The following TMEM170B variants were observed in gnomAD, a reference collection of about 807,000 sequenced individuals.
TMEM170B encodes transmembrane protein 170B.
A neutral mutation model predicts 13.0 loss-of-function variants in TMEM170B; 6 were observed. That is an observed-to-expected ratio of 0.46 (90% CI 0.25 to 0.91). The LOEUF (loss-of-function observed/expected upper bound fraction) is 0.91. TMEM170B is among the 40% of genes least tolerant of loss of function. The pLI, the probability that TMEM170B is intolerant of heterozygous loss-of-function variation, is 0.17. For missense variants in TMEM170B, 138 were observed against 165.2 expected, an observed-to-expected ratio of 0.84 and a Z score of 0.90; for synonymous variants, 61 against 64.9, an observed-to-expected ratio of 0.94 and a Z score of 0.29.
chr6:11,565,614 A>G, intron 1 of TMEM170B, 52 bp from the exon 2 acceptor site: 1 of 1,599,686 alleles, frequency 6.3e-7, no homozygotes, highest in Middle Eastern at 1.7e-4. Context: ...GTTAAATTGA[A>G]TTTTCTAAGT....
chr6:11,575,283 G>C lies in TMEM170B; in HGVS notation c.269-148G>C, dbSNP rs1759858884. 8.9e-7 allele frequency: 1 copy of C among 1,118,522 alleles called. No individual in the cohort carries two copies. The highest frequency in any genetic ancestry group is 1.3e-6 in the Non-Finnish European group (1 of 791,434). The allele number at this position is 1,118,522 out of a possible 1,614,324, so 69.3% of individuals were successfully genotyped here. A position where few individuals can be genotyped will look rare whatever the true frequency, so the allele number is the denominator to read the frequency against. ...TAAGTTGTAACTTTCACCAATCACA[G>C]GGAAACTTTTTCATAGAAAGTGGAT... On this transcript the variant is annotated intron_variant, in intron 2 of 2. Transcript: ENST00000379426. This position sits in a 1 kb window ranked among gnomAD's most constrained non-coding sequence, Gnocchi z 4.1.
intron 2 of TMEM170B, among the ~76,000 whole-genome samples, chr6:11,568,950 A>C (rs937221234): frequency 6.6e-6 from 1 of 152,124 alleles, no homozygotes; most frequent in Non-Finnish European, 1.5e-5. Context: ...AATTGGGAGA[A>C]ACTGGTTTCT....
chr6:11,573,563 A>G (rs193239577), intron 2 of TMEM170B, among the ~76,000 whole-genome samples: 18 of 152,312 alleles, frequency 1.2e-4, no homozygotes, highest in Non-Finnish European at 1.0e-4. Context: ...GTTGCTAAGT[A>G]GTGGAGCTTG....
chr6:11,562,134 G>A, intron 1 of TMEM170B, among the ~76,000 whole-genome samples: 1 of 152,146 alleles, frequency 6.6e-6, no homozygotes, highest in East Asian at 1.9e-4. Context: ...CTCAGGGTAA[G>A]TTGAGAAAAG....
chr6:11,544,144 A>C (rs1442210968), intron 1 of TMEM170B, among the ~76,000 whole-genome samples: 1 of 152,120 alleles, frequency 6.6e-6, no homozygotes, highest in Non-Finnish European at 1.5e-5. Context: ...TCTCCTACAT[A>C]GCTTGTTAAC....
At chr6:11,544,653 C>A (rs1561906454) in intron 1 of TMEM170B, among the ~76,000 whole-genome samples, 1 of 152,158 alleles carries the variant, frequency 6.6e-6, no homozygotes, top group Non-Finnish European at 1.5e-5. Flanking sequence ...ATGGGGATTC[C>A]ATGTAGAGCA....
At chr6:11,560,223 G>A (rs962351899) in intron 1 of TMEM170B, among the ~76,000 whole-genome samples, 29 of 151,472 alleles carry the variant, frequency 1.9e-4, no homozygotes, top group African/African-American at 7.0e-4. Context: ...GGAGTGCAGT[G>A]GCGTGGTCTT....
chr6:11,550,662 A>G (rs1759512604), intron 1 of TMEM170B, among the ~76,000 whole-genome samples: 1 of 152,208 alleles, frequency 6.6e-6, no homozygotes, highest in Admixed American at 6.5e-5. Context: ...AGAATGTTAC[A>G]TGTATTATTT....
intron 2 of TMEM170B, among the ~76,000 whole-genome samples, chr6:11,574,367 T>G (rs940062694): frequency 1.3e-5 from 2 of 152,140 alleles, no homozygotes; most frequent in African/African-American, 4.8e-5. Context: ...ACAATAACTT[T>G]TATTTGGAAG....
rs576912490 is a variant in TMEM170B at position 11,580,532 on chromosome 6, G to A, written c.*4971G>A. ...TACTGAAGAAATTCTAGCAGATTTC[G>A]ATTGCAGAGAAATTTGGTAACACTT... On this transcript the variant is annotated 3_prime_UTR_variant, in exon 3 of 3. Transcript: ENST00000379426. The A allele has an allele frequency of 1.2e-4, 19 of 152,256 alleles. No homozygotes were observed. The highest frequency in any genetic ancestry group is 3.1e-4 in the African/African-American group (13 of 41,536). 9.4% of individuals were successfully genotyped at this position (152,256 alleles called of 1,614,324 possible).
chr6:11,548,174 A>C (rs565553612), intron 1 of TMEM170B, among the ~76,000 whole-genome samples: 2 of 152,356 alleles, frequency 1.3e-5, no homozygotes, highest in South Asian at 2.1e-4. Flanking sequence ...GAATTTTTGC[A>C]ATCTACCCAT....
chr6:11,547,095 G>T (rs1022454795), intron 1 of TMEM170B, among the ~76,000 whole-genome samples: 1 of 152,132 alleles, frequency 6.6e-6, no homozygotes, highest in African/African-American at 2.4e-5. Context: ...GATAAACGAA[G>T]AGTATTGTAT....
At chr6:11,571,161 T>A (rs1448690899) in intron 2 of TMEM170B, among the ~76,000 whole-genome samples, 2 of 146,672 alleles carry the variant, frequency 1.4e-5, no homozygotes, top group African/African-American at 5.0e-5. Flanking sequence ...CCCTTAACCT[T>A]TATCATATGC....
At position 11,579,688 on chromosome 6, in the gene TMEM170B, G is replaced by A. The variant is rs535781839; in HGVS notation, c.*4127G>A. The A allele has an allele frequency of 6.6e-6, 1 of 152,334 alleles. No individual in the cohort carries two copies. The highest frequency in any genetic ancestry group is 2.1e-4 in the South Asian group (1 of 4,822). 9.4% of individuals were successfully genotyped at this position (152,334 alleles called of 1,614,324 possible). On this transcript the variant is annotated 3_prime_UTR_variant, in exon 3 of 3. Transcript: ENST00000379426. Reference sequence around the variant, plus strand: ...CAGTGCAAGCAGGATTAAATTAGGAGTTCTGTTGACCACTGGTTAAAATAG... The same window carrying A: ...CAGTGCAAGCAGGATTAAATTAGGAATTCTGTTGACCACTGGTTAAAATAG...
At chr6:11,540,851 G>A (rs1759350356) in intron 1 of TMEM170B, among the ~76,000 whole-genome samples, 1 of 152,212 alleles carries the variant, frequency 6.6e-6, no homozygotes, top group Non-Finnish European at 1.5e-5. Flanking sequence ...TCCATGGTCT[G>A]CAGAATGGAT....
intron 1 of TMEM170B, among the ~76,000 whole-genome samples, chr6:11,554,734 TA>T (rs1424551412): frequency 6.6e-6 from 1 of 152,142 alleles, no homozygotes; most frequent in Non-Finnish European, 1.5e-5. Context: ...CCATGAATTT[TA>T]AGATGGGCAC....
In TMEM170B at chr6:11,576,633, CA is replaced by C. The variant is rs1561690814; in HGVS notation, c.*1074del. Reference sequence around the variant, plus strand: ...AGACCTCATTTGTAGAAATAAGTAACAAGTAAGTTATATAGGAAGAGTAATG... The same window carrying C: ...AGACCTCATTTGTAGAAATAAGTAACAGTAAGTTATATAGGAAGAGTAATG... On this transcript the variant is annotated 3_prime_UTR_variant, in exon 3 of 3. Coordinates refer to ENST00000379426, the MANE Select transcript of TMEM170B (RefSeq NM_001100829.3). 1 of 152,028 alleles carries C rather than the reference CA, an allele frequency of 6.6e-6. No individual in the cohort carries two copies. Among genetic ancestry groups the C allele is most frequent in the Non-Finnish European group, 1.5e-5 (1 of 67,972 alleles). 9.4% of individuals were successfully genotyped at this position (152,028 alleles called of 1,614,324 possible). A position where few individuals can be genotyped will look rare whatever the true frequency, so the allele number is the denominator to read the frequency against.
intron 1 of TMEM170B, among the ~76,000 whole-genome samples, chr6:11,560,425 G>A (rs1759647688): frequency 6.7e-6 from 1 of 149,822 alleles, no homozygotes; most frequent in Non-Finnish European, 1.5e-5. Context: ...ACCTGCCTCA[G>A]CCTCCCAAAT....
At chr6:11,563,303 GC>G (rs989199688) in intron 1 of TMEM170B, among the ~76,000 whole-genome samples, 22 of 151,866 alleles carry the variant, frequency 1.4e-4, no homozygotes, top group African/African-American at 5.3e-4. Flanking sequence ...TCCACACCAG[GC>G]CCCCCTCCCC....
Sources: allele counts gnomAD v4.1 joint callset (sites outside exome capture counted in the v4.1 genomes callset), GRCh38; gene constraint gnomAD v4.1.1; non-coding constraint Gnocchi (gnomAD v3.1); transcripts MANE v1.5; gene names NCBI Gene and HGNC (gene_info 2026-07-23, HGNC 2026-07-21).